The following NKAIN2 variants were observed in gnomAD, a reference collection of about 807,000 sequenced individuals.
NKAIN2 encodes the protein sodium/potassium-transporting ATPase subunit beta-1-interacting protein 2.
Under a neutral mutation model 32.6 loss-of-function variants are expected in NKAIN2, and 14 were observed. The observed-to-expected ratio is 0.43, with a 90% confidence interval of 0.28 to 0.67. The LOEUF (loss-of-function observed/expected upper bound fraction) is 0.67. Ranked by LOEUF, NKAIN2 falls within the 30% of genes least tolerant of loss-of-function variation. The pLI is 0.17. For synonymous variants in NKAIN2, 80 were observed against 87.2 expected, an observed-to-expected ratio of 0.92 and a Z score of 0.46; for missense variants, 198 against 258.3, an observed-to-expected ratio of 0.77 and a Z score of 1.60.
chr6:123,890,499 T>A lies in NKAIN2; in HGVS notation c.54+86245T>A, dbSNP rs532486750. On this transcript the variant is annotated intron_variant, in intron 1 of 6. Coordinates refer to ENST00000368417, the MANE Select transcript of NKAIN2 (RefSeq NM_001040214.3). ...CACCACCGAGAGCTGGTAATGCAAT[T>A]GATAACAAAATGAAATGGGTTCTTT... Among the ~76,000 whole-genome samples the A allele has an allele frequency of 8.6e-5, 13 of 151,762 alleles. No individual in the cohort carries two copies. In the South Asian group the frequency reaches 2.7e-3, roughly 32 times the overall value.
chr6:123,845,949 A>T (rs146637623), intron 1 of NKAIN2, among the ~76,000 whole-genome samples: 2 of 152,106 alleles, frequency 1.3e-5, no homozygotes, highest in African/African-American at 4.8e-5. Flanking sequence ...TAAATACTCT[A>T]TATTTTTATT....
chr6:123,958,601 C>A (rs769468663), intron 1 of NKAIN2, among the ~76,000 whole-genome samples: 43 of 152,200 alleles, frequency 2.8e-4, no homozygotes, highest in Non-Finnish European at 4.4e-5. Context: ...CCCAAAGGCC[C>A]CACCTTTTAA....
chr6:124,366,928 GAA>G (rs5879729), intron 3 of NKAIN2, among the ~76,000 whole-genome samples: 42,119 of 131,806 alleles, frequency 0.32, 6,224 homozygotes, highest in Admixed American at 0.41. Flanking sequence ...ACCCTGTCTC[GAA>G]AAAAAAAAAA....
At chr6:124,180,217 C>T (rs1338143396) in intron 1 of NKAIN2, among the ~76,000 whole-genome samples, 4 of 152,056 alleles carry the variant, frequency 2.6e-5, no homozygotes, top group African/African-American at 9.7e-5. Flanking sequence ...AAAGACTTAC[C>T]TGAGACTGGG....
At chr6:124,533,019 T>G (rs1779582149) in intron 3 of NKAIN2, among the ~76,000 whole-genome samples, 1 of 152,158 alleles carries the variant, frequency 6.6e-6, no homozygotes, top group Admixed American at 6.5e-5. Context: ...AGTGTCTGAG[T>G]GCATCTCCAA....
chr6:124,525,671 G>C (rs886292621), intron 3 of NKAIN2, among the ~76,000 whole-genome samples: 13 of 144,924 alleles, frequency 9.0e-5, no homozygotes. Flanking sequence ...ACAATGTAGA[G>C]TTATAGAATG....
chr6:123,863,156 G>C (rs1380254217), intron 1 of NKAIN2, among the ~76,000 whole-genome samples: 1 of 152,188 alleles, frequency 6.6e-6, no homozygotes, highest in African/African-American at 2.4e-5. Flanking sequence ...CCCTGTGGAG[G>C]CAGAGGGGGA....
At chr6:124,540,013 G>C (rs912904158) in intron 3 of NKAIN2, among the ~76,000 whole-genome samples, 1 of 152,130 alleles carries the variant, frequency 6.6e-6, no homozygotes, top group Non-Finnish European at 1.5e-5. Context: ...GAGCCACCAC[G>C]CCCAGCCAAA....
At chr6:124,398,707 G>A (rs956282568) in intron 3 of NKAIN2, among the ~76,000 whole-genome samples, 1 of 152,108 alleles carries the variant, frequency 6.6e-6, no homozygotes, top group Non-Finnish European at 1.5e-5. Flanking sequence ...AGGTGAGTAC[G>A]GTGTTACAAT....
chr6:123,995,658 C>A (rs889879228), intron 1 of NKAIN2, among the ~76,000 whole-genome samples: 1 of 152,040 alleles, frequency 6.6e-6, no homozygotes, highest in Non-Finnish European at 1.5e-5. Flanking sequence ...GGTAAAAGTC[C>A]AAAATAACTT....
At chr6:124,551,816 A>G (rs752904448) in intron 3 of NKAIN2, among the ~76,000 whole-genome samples, 1 of 152,234 alleles carries the variant, frequency 6.6e-6, no homozygotes, top group Non-Finnish European at 1.5e-5. Flanking sequence ...AAACAAATTG[A>G]TGCAGGGATG....
At chr6:124,579,920 G>C (rs1011269710) in intron 3 of NKAIN2, among the ~76,000 whole-genome samples, 9 of 152,142 alleles carry the variant, frequency 5.9e-5, no homozygotes, top group African/African-American at 2.2e-4. Context: ...GGAGAGAGTG[G>C]CATCACATAT....
In NKAIN2 at chr6:123,976,296, TCCA is replaced by T. The variant is rs1562287332; in HGVS notation, c.54+172043_54+172045del. On this transcript the variant is annotated intron_variant, in intron 1 of 6. Coordinates refer to ENST00000368417, the MANE Select transcript of NKAIN2 (RefSeq NM_001040214.3). Reference sequence around the variant, plus strand: ...ATATATATGTTTCCATATATATGTTTCCATATATATGTTTCCATATATATATAT... The same window carrying T: ...ATATATATGTTTCCATATATATGTTTTATATATGTTTCCATATATATATAT... Among the ~76,000 whole-genome samples, 48 of 101,210 alleles carry T rather than the reference TCCA, an allele frequency of 4.7e-4. 1 individual carries two copies. The highest frequency in any genetic ancestry group is 1.1e-3 in the African/African-American group (32 of 28,816). The allele number at this position is 101,210 out of a possible 152,430, so 66.4% of individuals were successfully genotyped here. A position where few individuals can be genotyped will look rare whatever the true frequency, so the allele number is the denominator to read the frequency against.
rs751239387 is a variant in NKAIN2, at chr6:124,811,651, T to C, written c.536-6736T>C. Among the ~76,000 whole-genome samples, 2 of 152,230 alleles carry C rather than the reference T, an allele frequency of 1.3e-5. 1 individual carries two copies. Among genetic ancestry groups the C allele is most frequent in the South Asian group, 4.1e-4 (2 of 4,830 alleles). Reference sequence around the variant, plus strand: ...TCCACTGACCCTACCCATAGGTCAATAGATGTAAACATACCCACACTGCAG... The same window carrying C: ...TCCACTGACCCTACCCATAGGTCAACAGATGTAAACATACCCACACTGCAG... On this transcript the variant is annotated intron_variant, in intron 5 of 6. Coordinates refer to ENST00000368417, the MANE Select transcript of NKAIN2 (RefSeq NM_001040214.3).
At chr6:123,938,525 A>C (rs1043122773) in intron 1 of NKAIN2, among the ~76,000 whole-genome samples, 16 of 138,822 alleles carry the variant, frequency 1.2e-4, no homozygotes, top group African/African-American at 4.2e-4. Flanking sequence ...ATATATTTAT[A>C]TATTATATTT....
intron 3 of NKAIN2, among the ~76,000 whole-genome samples, chr6:124,365,622 A>T (rs1799485944): frequency 6.6e-6 from 1 of 151,994 alleles, no homozygotes; most frequent in South Asian, 2.1e-4. Context: ...TGGATACATC[A>T]ATCAGATGAA....
chr6:124,653,444 C>CAAAAAAAA (rs35842873), intron 3 of NKAIN2, among the ~76,000 whole-genome samples: 3 of 79,698 alleles, frequency 3.8e-5, no homozygotes, highest in African/African-American at 1.0e-4. Context: ...CATCCACATG[C>CAAAAAAAA]AAAAAAAAAA....
intron 1 of NKAIN2, among the ~76,000 whole-genome samples, chr6:123,977,511 T>C (rs1213850682): frequency 1.3e-5 from 2 of 152,182 alleles, no homozygotes; most frequent in African/African-American, 4.8e-5. Flanking sequence ...CAAATGATTC[T>C]CTTTGTTGAG....
At chr6:124,252,066 G>A (rs1281750685) in intron 1 of NKAIN2, among the ~76,000 whole-genome samples, 2 of 151,950 alleles carry the variant, frequency 1.3e-5, no homozygotes, top group African/African-American at 4.8e-5. Context: ...AAAATGAAAT[G>A]TTAAAAAAGA....
Sources: gnomAD v4.1 joint callset for allele counts (sites outside exome capture counted in the v4.1 genomes callset) on GRCh38, gnomAD v4.1.1 for gene constraint, MANE v1.5 for transcripts, NCBI Gene and HGNC (gene_info 2026-07-23, HGNC 2026-07-21) for gene names.